The following PCDH15 variants were observed in gnomAD, a reference collection of about 807,000 sequenced individuals.
PCDH15 encodes protocadherin related 15.
PCDH15 carries 129 observed loss-of-function variants against 178.5 expected under a neutral mutation model. The ratio of observed to expected loss-of-function variants is 0.72; its 90% CI spans 0.63 to 0.84. The LOEUF is 0.84. PCDH15 is among the 40% of genes least tolerant of loss of function. PCDH15 has a pLI of 0.00. For missense variants in PCDH15, 2,230 were observed against 2,099.9 expected, an observed-to-expected ratio of 1.06 and a Z score of -1.21; for synonymous variants, 800 against 732.0, an observed-to-expected ratio of 1.09 and a Z score of -1.50.
intron 13 of PCDH15, among the ~76,000 whole-genome samples, chr10:54,166,284 T>C (rs148837553): frequency 6.6e-6 from 1 of 152,334 alleles, no homozygotes; most frequent in East Asian, 1.9e-4. Flanking sequence ...AATTGTGATG[T>C]TTTCTGATTA....
intron 2 of PCDH15, among the ~76,000 whole-genome samples, chr10:55,421,923 G>C (rs886416250): frequency 1.3e-5 from 2 of 151,460 alleles, no homozygotes; most frequent in Non-Finnish European, 3.0e-5. Context: ...ATTTCTATTA[G>C]CCCAGTCAAT....
At chr10:54,344,911 A>G (rs1942963726) in intron 6 of PCDH15, among the ~76,000 whole-genome samples, 1 of 145,116 alleles carries the variant, frequency 6.9e-6, no homozygotes, top group South Asian at 2.1e-4. Flanking sequence ...AAGCAAAAAA[A>G]AAAAAAAAAA....
At chr10:54,340,810 G>A (rs1241863007) in intron 6 of PCDH15, among the ~76,000 whole-genome samples, 1 of 152,246 alleles carries the variant, frequency 6.6e-6, no homozygotes, top group South Asian at 2.1e-4. Context: ...CACAGTGCCT[G>A]CTGGTGCACT....
intron 2 of PCDH15, among the ~76,000 whole-genome samples, chr10:55,103,104 G>A (rs1842608253): frequency 7.1e-6 from 1 of 141,718 alleles, no homozygotes; most frequent in Admixed American, 6.8e-5. Context: ...ATTTCTCTCT[G>A]ATTTTTCTTT....
At chr10:55,001,331 C>T (rs1477108153) in intron 2 of PCDH15, among the ~76,000 whole-genome samples, 1 of 152,178 alleles carries the variant, frequency 6.6e-6, no homozygotes, top group Non-Finnish European at 1.5e-5. Flanking sequence ...AATGGTGGGA[C>T]TAAAATAGCT....
intron 3 of PCDH15, among the ~76,000 whole-genome samples, chr10:54,472,496 T>C (rs1467691099): frequency 6.6e-6 from 1 of 152,168 alleles, no homozygotes; most frequent in East Asian, 1.9e-4. Flanking sequence ...GTATGTGTGT[T>C]TTTTTCAAAA....
At chr10:55,090,362 T>C (rs1235855254) in intron 2 of PCDH15, among the ~76,000 whole-genome samples, 1 of 136,908 alleles carries the variant, frequency 7.3e-6, no homozygotes, top group African/African-American at 3.2e-5. Context: ...TATATTTTCG[T>C]TGTCATTTAA....
At chr10:54,984,319 G>A (rs999203730) in intron 2 of PCDH15, among the ~76,000 whole-genome samples, 4 of 152,064 alleles carry the variant, frequency 2.6e-5, no homozygotes, top group Non-Finnish European at 2.9e-5. Context: ...AAGTCATAAC[G>A]GTAACTTACA....
At chr10:53,897,176 A>G (rs1353885699) in intron 26 of PCDH15, among the ~76,000 whole-genome samples, 1 of 128,318 alleles carries the variant, frequency 7.8e-6, no homozygotes, top group African/African-American at 2.7e-5. Flanking sequence ...GGCTTTTTCA[A>G]CATACAAGGT....
At chr10:55,114,266 A>G (rs909990008) in intron 2 of PCDH15, among the ~76,000 whole-genome samples, 1 of 152,196 alleles carries the variant, frequency 6.6e-6, no homozygotes, top group African/African-American at 2.4e-5. Context: ...AGTATTTTAA[A>G]GGCATGAGCC....
At chr10:53,816,126 T>C (rs546451660) in intron 35 of PCDH15, 113 bp downstream of exon 35, 65 of 396,046 alleles carry the variant, frequency 1.6e-4, no homozygotes, top group Admixed American at 3.5e-4. Context: ...TTCTTTTCCT[T>C]TAAAATTATG....
At chr10:55,494,111 T>C (rs892534058) in intron 2 of PCDH15, among the ~76,000 whole-genome samples, 3 of 151,800 alleles carry the variant, frequency 2.0e-5, no homozygotes, top group Admixed American at 2.0e-4. Flanking sequence ...GATAAAATGT[T>C]CTACAAATGT....
intron 2 of PCDH15, among the ~76,000 whole-genome samples, chr10:55,483,485 T>C (rs902640566): frequency 6.6e-6 from 1 of 151,714 alleles, no homozygotes; most frequent in African/African-American, 2.4e-5. Flanking sequence ...AGTGAGATTG[T>C]GGAGAAAAAG....
chr10:55,359,660 C>G (rs887269362), intron 2 of PCDH15, among the ~76,000 whole-genome samples: 2 of 148,282 alleles, frequency 1.3e-5, no homozygotes, highest in African/African-American at 2.5e-5. Context: ...TTCACAATCA[C>G]CAAGATATAT....
At chr10:55,023,143 A>G (rs923806018) in intron 2 of PCDH15, among the ~76,000 whole-genome samples, 7 of 151,958 alleles carry the variant, frequency 4.6e-5, no homozygotes, top group African/African-American at 1.7e-4. Context: ...GGGTTTCACC[A>G]TGTTAGCCGG....
intron 3 of PCDH15, among the ~76,000 whole-genome samples, chr10:54,832,010 C>T (rs187247943): frequency 6.6e-6 from 1 of 152,106 alleles, no homozygotes; most frequent in African/African-American, 2.4e-5. Context: ...GGTGTATTTT[C>T]CTTGGTATTT....
chr10:54,976,383 GA>G (rs1839071596), intron 2 of PCDH15, among the ~76,000 whole-genome samples: 1 of 152,120 alleles, frequency 6.6e-6, no homozygotes. Flanking sequence ...TGGTCATGCA[GA>G]AGAAGGAGTT....
chr10:54,202,332 A>G (rs555262035), intron 10 of PCDH15, among the ~76,000 whole-genome samples: 63 of 152,078 alleles, frequency 4.1e-4, no homozygotes, highest in Non-Finnish European at 4.0e-4. Context: ...AGAAAAAAAA[A>G]AGAGGGAGGG....
intron 5 of PCDH15, among the ~76,000 whole-genome samples, chr10:54,346,888 C>T (rs1305508226): frequency 2.0e-5 from 3 of 152,100 alleles, no homozygotes. Flanking sequence ...TACGAGTGAG[C>T]AATGAAATCC....
Sources: gnomAD v4.1 joint callset for allele counts (sites outside exome capture counted in the v4.1 genomes callset) on GRCh38, gnomAD v4.1.1 for gene constraint, MANE v1.5 for transcripts, NCBI Gene and HGNC (gene_info 2026-07-23, HGNC 2026-07-21) for gene names.